Variants in NUDT3 observed in about 807,000 individuals in gnomAD.
NUDT3 encodes nudix hydrolase 3, also known as diphosphoinositol polyphosphate phosphohydrolase 1.
A neutral mutation model predicts 23.6 loss-of-function variants in NUDT3; 9 were observed. The ratio of observed to expected loss-of-function variants is 0.38; its 90% CI spans 0.23 to 0.66. The LOEUF is 0.66. NUDT3 is among the 30% of genes least tolerant of loss of function. NUDT3 has a pLI of 0.52. For missense variants in NUDT3, 172 were observed against 218.5 expected (o/e 0.79, Z 1.34); for synonymous variants, 86 against 82.6 (o/e 1.04, Z -0.22).
chr6:34,363,167 A>ATTCAT (rs1423872230), intron 1 of NUDT3, among the ~76,000 whole-genome samples: 8 of 152,214 alleles, frequency 5.3e-5, no homozygotes, highest in African/African-American at 1.9e-4. Flanking sequence ...GCTATCAGAC[A>ATTCAT]TTCATAGCTG....
rs529311664 is a variant in NUDT3 at position 34,294,687 on chromosome 6, T to C, written c.255+954A>G. Among the ~76,000 whole-genome samples the C allele has an allele frequency of 3.8e-3, 580 of 151,630 alleles. 2 individuals carry two copies. The highest frequency in any genetic ancestry group is 0.01 in the Middle Eastern group (3 of 290). Reference sequence around the variant, plus strand: ...GTTGTGGTGAGCCGACATCGCACCATTGCACTCCAGCCTGGGTGACAGAGC... The same window carrying C: ...GTTGTGGTGAGCCGACATCGCACCACTGCACTCCAGCCTGGGTGACAGAGC... On this transcript the variant is annotated intron_variant, in intron 3 of 4. Transcript: ENST00000607016.
intron 1 of NUDT3, among the ~76,000 whole-genome samples, chr6:34,360,817 T>A (rs1189912473): frequency 6.6e-6 from 1 of 152,042 alleles, no homozygotes; most frequent in Non-Finnish European, 1.5e-5. Flanking sequence ...TTCACAAGAC[T>A]TATCTGATAA....
intron 2 of NUDT3, among the ~76,000 whole-genome samples, chr6:34,337,258 AG>A (rs1348235782): frequency 6.6e-6 from 1 of 152,232 alleles, no homozygotes; most frequent in African/African-American, 2.4e-5. Context: ...AAAAAAAATT[AG>A]CTCAAAGTCA....
At chr6:34,293,610 T>A (rs892996970) in intron 3 of NUDT3, 75 bp from the exon 4 acceptor site, 94 of 1,537,140 alleles carry the variant, frequency 6.1e-5, no homozygotes, top group Non-Finnish European at 7.9e-5. Context: ...AACACACTCT[T>A]ATGCATATGT....
intron 1 of NUDT3, among the ~76,000 whole-genome samples, chr6:34,370,020 A>AT: frequency 6.6e-6 from 1 of 152,346 alleles, no homozygotes; most frequent in South Asian, 2.1e-4. Context: ...GCCCTGAAAC[A>AT]TAATATTTAG....
chr6:34,324,357 A>G (rs1253561807), intron 2 of NUDT3, among the ~76,000 whole-genome samples: 1 of 115,440 alleles, frequency 8.7e-6, no homozygotes, highest in East Asian at 2.1e-4. Context: ...TACGCTTCCA[A>G]AAAAAAAAAA....
chr6:34,354,759 ACT>A (rs1764536342), intron 1 of NUDT3, among the ~76,000 whole-genome samples: 1 of 146,234 alleles, frequency 6.8e-6, no homozygotes, highest in Non-Finnish European at 1.5e-5. Context: ...ATATTTATTT[ACT>A]TTATATTTGT....
intron 1 of NUDT3, among the ~76,000 whole-genome samples, chr6:34,371,930 T>C (rs1324666697): frequency 6.6e-6 from 1 of 152,174 alleles, no homozygotes; most frequent in Non-Finnish European, 1.5e-5. Flanking sequence ...TGTGTGATGT[T>C]CCCCACCCTG....
chr6:34,379,926 G>C (rs1326880217), intron 1 of NUDT3, among the ~76,000 whole-genome samples: 2 of 151,600 alleles, frequency 1.3e-5, no homozygotes, highest in Non-Finnish European at 2.9e-5. Context: ...AAAATCCCTT[G>C]AACCTGGGAG....
chr6:34,290,423 T>G (rs1271669379), intron 4 of NUDT3, among the ~76,000 whole-genome samples: 2 of 141,996 alleles, frequency 1.4e-5, no homozygotes, highest in African/African-American at 2.6e-5. Context: ...TTTTTTTTTT[T>G]GGTATAAATG....
At chr6:34,310,700 C>T (rs879250702) in intron 2 of NUDT3, among the ~76,000 whole-genome samples, 1 of 152,116 alleles carries the variant, frequency 6.6e-6, no homozygotes, top group Non-Finnish European at 1.5e-5. Flanking sequence ...TCTATGAGGC[C>T]AGCGTTACCC....
At chr6:34,332,779 A>T (rs960756634) in intron 2 of NUDT3, among the ~76,000 whole-genome samples, 3 of 152,020 alleles carry the variant, frequency 2.0e-5, no homozygotes, top group African/African-American at 4.8e-5. Flanking sequence ...TAGGCACATA[A>T]TTTTCTCCTC....
chr6:34,370,178 T>C (rs571744910), intron 1 of NUDT3, among the ~76,000 whole-genome samples: 82 of 152,338 alleles, frequency 5.4e-4, no homozygotes, highest in African/African-American at 1.8e-3. Flanking sequence ...TGCTGCCTTC[T>C]TGGCACCATT....
intron 2 of NUDT3, among the ~76,000 whole-genome samples, chr6:34,316,965 G>A (rs891734771): frequency 1.3e-5 from 2 of 152,182 alleles, no homozygotes; most frequent in African/African-American, 4.8e-5. Flanking sequence ...CTAAGGAATT[G>A]AGGTGAGTGG....
chr6:34,293,440 A>T lies in NUDT3; in HGVS notation c.340+11T>A. On this transcript the variant is annotated intron_variant, in intron 4 of 4. Transcript: ENST00000607016. ...GAGGAACCCTTTCCAGGCTGTCTGG[A>T]GATGGCTTACCAATGTTAACTGAAT... 6.2e-7 allele frequency: 1 copy of T among 1,614,062 alleles called. No homozygotes were observed. The highest frequency in any genetic ancestry group is 8.5e-7 in the Non-Finnish European group (1 of 1,179,948).
intron 1 of NUDT3, among the ~76,000 whole-genome samples, chr6:34,351,567 C>A (rs1468939246): frequency 3.4e-5 from 5 of 149,168 alleles, no homozygotes. Context: ...CATGGTGAAA[C>A]CCTGACTCTA....
rs117685949 is a variant in NUDT3, at chr6:34,327,609, A to G, written c.210+14253T>C. ...TTTACCGCTATCTTCTAAGAACTTC[A>G]AAAAGGAACCAGGAGTATGGGAGGA... On this transcript the variant is annotated intron_variant, in intron 2 of 4. Coordinates refer to ENST00000607016, the MANE Select transcript of NUDT3 (RefSeq NM_006703.4). 4.3e-4 allele frequency among the ~76,000 whole-genome samples: 65 copies of G among 152,278 alleles called. 1 individual carries two copies. In the East Asian group the frequency reaches 8.5e-3, roughly 20 times the overall value.
At chr6:34,292,361 C>A (rs962717073) in intron 4 of NUDT3, among the ~76,000 whole-genome samples, 2 of 152,270 alleles carry the variant, frequency 1.3e-5, no homozygotes, top group Admixed American at 1.3e-4. Flanking sequence ...ATCTGTCTGC[C>A]AATTTGTAAT....
intron 2 of NUDT3, among the ~76,000 whole-genome samples, chr6:34,313,145 G>A (rs770052006): frequency 3.9e-5 from 6 of 151,900 alleles, no homozygotes; most frequent in Non-Finnish European, 7.4e-5. Flanking sequence ...ACTGCACTCC[G>A]GCCTGGGTGA....
Sources: allele counts gnomAD v4.1 joint callset (sites outside exome capture counted in the v4.1 genomes callset), GRCh38; gene constraint gnomAD v4.1.1; transcripts MANE v1.5; gene names NCBI Gene and HGNC (gene_info 2026-07-23, HGNC 2026-07-21).